XPO6: variants seen among roughly 807,000 people sequenced by gnomAD.
XPO6 encodes exportin 6.
A neutral mutation model predicts 130.0 loss-of-function variants in XPO6; 3 were observed. That is an observed-to-expected ratio of 0.02 (90% confidence interval 0.01 to 0.06). XPO6 has a LOEUF of 0.06. XPO6 is among the 10% of genes least tolerant of loss of function. The pLI, the probability that XPO6 is intolerant of heterozygous loss-of-function variation, is 1.00. For synonymous variants in XPO6, 524 were observed against 548.9 expected (o/e 0.95, Z 0.63); for missense variants, 970 against 1,393.0 (o/e 0.70, Z 4.83).
At position 28,101,556 on chromosome 16, in the gene XPO6, C is replaced by T; in HGVS notation, c.3178G>A (p.Gly1060Ser). 1 of 1,614,244 alleles carries T rather than the reference C, an allele frequency of 6.2e-7. No homozygotes were observed. The highest frequency in any genetic ancestry group is 8.5e-7 in the Non-Finnish European group (1 of 1,180,044). The part of the protein sequence containing the change: ...IYNMASVDFD[G>S]FFAAFLPEFL... ...TCTGGGAGGAAGGCGGCAAAGAAGC[C>T]ATCAAAGTCGACTGAGGCCATGTTG... is the stretch of plus-strand genomic sequence containing the variant. The change falls in exon 23 of 24, where the codon GGC (glycine) becomes AGC (serine). Residue 1060 changes from glycine to serine, a missense_variant. Transcript: ENST00000304658. This position sits in a 1 kb window ranked among gnomAD's most constrained non-coding sequence, Gnocchi z 5.4.
At chr16:28,210,674 A>G (rs1267490929) in intron 1 of XPO6, among the ~76,000 whole-genome samples, 2 of 152,208 alleles carry the variant, frequency 1.3e-5, no homozygotes, top group Non-Finnish European at 2.9e-5. Flanking sequence ...TTAGGGGAGT[A>G]TTGAAAGTAT....
chr16:28,165,983 C>G (rs1191064998), intron 6 of XPO6, among the ~76,000 whole-genome samples: 1 of 152,158 alleles, frequency 6.6e-6, no homozygotes, highest in South Asian at 2.1e-4. Flanking sequence ...ATTTAATAGC[C>G]TCTGCAAATA....
chr16:28,098,555 C>A lies in XPO6; in HGVS notation c.3361G>T (p.Gly1121Cys). Reference sequence around the variant, plus strand: ...TAGCAGGCCTAGAGCTTCACAGTGCCAGGGGGCAGGCTGTCGTTGCAGAGT... The same window carrying A: ...TAGCAGGCCTAGAGCTTCACAGTGCAAGGGGGCAGGCTGTCGTTGCAGAGT... Reference protein sequence around the residue: ...YRLCNDSLPPGTVKL With the variant: ...YRLCNDSLPPCTVKL Residue 1121 changes from glycine to cysteine, a missense_variant, in exon 24 of 24, where the codon GGC becomes TGC. Transcript: ENST00000304658. The A allele has an allele frequency of 6.2e-7, 1 of 1,612,246 alleles. No homozygotes were observed. The highest frequency in any genetic ancestry group is 8.5e-7 in the Non-Finnish European group (1 of 1,178,862).
At chr16:28,111,771 C>A (rs763834672) in intron 17 of XPO6, 46 bp downstream of exon 17, 5 of 1,594,748 alleles carry the variant, frequency 3.1e-6, no homozygotes, top group Non-Finnish European at 4.3e-6. Flanking sequence ...AAGAACAATG[C>A]CTGCCTACCT....
At chr16:28,176,946 C>T (rs947503736) in intron 3 of XPO6, among the ~76,000 whole-genome samples, 12 of 152,096 alleles carry the variant, frequency 7.9e-5, no homozygotes, top group Admixed American at 7.9e-4. Context: ...AATTATCTTT[C>T]CTTTATCAAT....
intron 15 of XPO6, among the ~76,000 whole-genome samples, chr16:28,113,285 A>G (rs915382338): frequency 3.3e-5 from 5 of 152,118 alleles, no homozygotes; most frequent in African/African-American, 9.7e-5. Context: ...CTTCACAGTC[A>G]CCAGCAGCCT....
At chr16:28,158,158 A>G (rs147749407) in intron 6 of XPO6, among the ~76,000 whole-genome samples, 1 of 152,356 alleles carries the variant, frequency 6.6e-6, no homozygotes, top group East Asian at 1.9e-4. Context: ...AAATACATGG[A>G]CACAAAACAG....
At chr16:28,107,790 G>C in intron 17 of XPO6, 113 bp from the exon 18 acceptor site, 3 of 1,164,004 alleles carry the variant, frequency 2.6e-6, no homozygotes, top group Non-Finnish European at 3.7e-6. Flanking sequence ...ATGATCACAC[G>C]AGTCTCACTA....
chr16:28,105,026 G>GA (rs559413771), intron 20 of XPO6, among the ~76,000 whole-genome samples: 1 of 152,302 alleles, frequency 6.6e-6, no homozygotes, highest in South Asian at 2.1e-4. Context: ...TTTTACACTA[G>GA]AAAAAAGCTA....
chr16:28,188,348 A>G (rs1328194257), intron 1 of XPO6, among the ~76,000 whole-genome samples: 2 of 152,200 alleles, frequency 1.3e-5, no homozygotes, highest in Non-Finnish European at 2.9e-5. Flanking sequence ...GGTCTCCTAT[A>G]TTCAGGTTCA....
intron 15 of XPO6, chr16:28,117,093 T>G (rs1288445658): frequency 2.0e-5 from 10 of 506,464 alleles, no homozygotes; most frequent in African/African-American, 1.9e-4. Context: ...TTTTTCACAG[T>G]GAGCATGTAT....
chr16:28,098,500 G>A lies in XPO6; in HGVS notation c.*38C>T, dbSNP rs1298270611. 3 of 1,563,248 alleles carry A rather than the reference G, an allele frequency of 1.9e-6. No individual in the cohort carries two copies. The highest frequency in any genetic ancestry group is 2.6e-6 in the Non-Finnish European group (3 of 1,142,428). Reference sequence around the variant, plus strand: ...GTGGAAGGTAGGGCTGGCGCAGGTGGCAGCAGCAGAAGTCCGTGTCCCCAG... The same window carrying A: ...GTGGAAGGTAGGGCTGGCGCAGGTGACAGCAGCAGAAGTCCGTGTCCCCAG... On this transcript the variant is annotated 3_prime_UTR_variant, in exon 24 of 24. Coordinates refer to ENST00000304658, the MANE Select transcript of XPO6 (RefSeq NM_015171.4).
Position 28,107,789 on chromosome 16 carries a change from C to T in XPO6, c.2342-112G>A, listed in dbSNP as rs1048195168. On this transcript the variant is annotated intron_variant, in intron 17 of 23. Coordinates refer to ENST00000304658, the MANE Select transcript of XPO6 (RefSeq NM_015171.4). ...CAAAGGTACCAAGAAGATGATCACACGAGTCTCACTAAAGGAACAGTCTCT... is the reference window on the plus strand; with the variant it reads ...CAAAGGTACCAAGAAGATGATCACATGAGTCTCACTAAAGGAACAGTCTCT... 17 of 1,171,324 alleles carry T rather than the reference C, an allele frequency of 1.5e-5. No individual in the cohort carries two copies. In the Admixed American group the frequency reaches 1.7e-4, roughly 12 times the overall value. The allele number at this position is 1,171,324 out of a possible 1,614,324, so 72.6% of individuals were successfully genotyped here. A position where few individuals can be genotyped will look rare whatever the true frequency, so the allele number is the denominator to read the frequency against.
chr16:28,162,955 A>G, intron 6 of XPO6, among the ~76,000 whole-genome samples: 1 of 152,164 alleles, frequency 6.6e-6, no homozygotes, highest in East Asian at 1.9e-4. Flanking sequence ...CAACCTCAGC[A>G]CTACTGGCAT....
intron 1 of XPO6, among the ~76,000 whole-genome samples, chr16:28,195,400 T>C (rs566274581): frequency 1.3e-5 from 2 of 152,264 alleles, no homozygotes; most frequent in East Asian, 1.9e-4. Context: ...TATACATATA[T>C]GTATATGGAA....
At chr16:28,154,871 T>C (rs1427255089) in intron 7 of XPO6, among the ~76,000 whole-genome samples, 1 of 150,952 alleles carries the variant, frequency 6.6e-6, no homozygotes, top group East Asian at 1.9e-4. Flanking sequence ...AAAAAAAAGG[T>C]AATACAGCCT....
In XPO6 at chr16:28,106,842, C is replaced by T. The variant is rs1015808626; in HGVS notation, c.2498-345G>A. Among the ~76,000 whole-genome samples, 1 of 152,186 alleles carries T rather than the reference C, an allele frequency of 6.6e-6. No individual in the cohort carries two copies. Among genetic ancestry groups the T allele is most frequent in the African/African-American group, 2.4e-5 (1 of 41,454 alleles). ...CTGATGAATGCCAACTGGGTCAACA[C>T]CTGAGTGCTTAAGCCATTTCCCCCT... On this transcript the variant is annotated intron_variant, in intron 18 of 23. Coordinates refer to ENST00000304658, the MANE Select transcript of XPO6 (RefSeq NM_015171.4). This position sits in a 1 kb window ranked among gnomAD's most constrained non-coding sequence, Gnocchi z 4.2.
rs147542661 is a variant in XPO6 at position 28,198,101 on chromosome 16, C to T, written c.3+13265G>A. On this transcript the variant is annotated intron_variant, in intron 1 of 23. Coordinates refer to ENST00000304658, the MANE Select transcript of XPO6 (RefSeq NM_015171.4). ...CATTATTATTTACCATGGCAAAAAA[C>T]AGAACAATGAACTGCTTAAAAATCC... is the stretch of plus-strand genomic sequence containing the variant. 4.5e-3 allele frequency among the ~76,000 whole-genome samples: 682 copies of T among 150,840 alleles called. 6 individuals are homozygous for T. The highest frequency in any genetic ancestry group is 0.016 in the African/African-American group (662 of 41,082).
At chr16:28,185,106 T>C (rs1207109359) in intron 1 of XPO6, among the ~76,000 whole-genome samples, 2 of 152,206 alleles carry the variant, frequency 1.3e-5, no homozygotes, top group African/African-American at 4.8e-5. Context: ...TATTGCTACA[T>C]GCAACAACAC....
Sources: allele counts gnomAD v4.1 joint callset (sites outside exome capture counted in the v4.1 genomes callset), GRCh38; gene constraint gnomAD v4.1.1; non-coding constraint Gnocchi (gnomAD v3.1); transcripts MANE v1.5; gene names NCBI Gene and HGNC (gene_info 2026-07-23, HGNC 2026-07-21).